The following DIS3L2 variants were observed in gnomAD, a reference collection of about 807,000 sequenced individuals.
DIS3L2 encodes DIS3-like exonuclease 2.
Under a neutral mutation model 97.5 loss-of-function variants are expected in DIS3L2, and 34 were observed. The ratio of observed to expected loss-of-function variants is 0.35; its 90% CI spans 0.27 to 0.46. DIS3L2 has a LOEUF of 0.46. Among genes scored for constraint, DIS3L2 ranks in the 20% least tolerant of loss-of-function variants. The pLI, the probability that DIS3L2 is intolerant of heterozygous loss-of-function variation, is 1.00. For missense variants in DIS3L2, 1,038 were observed against 1,146.0 expected (o/e 0.91, Z 1.36); for synonymous variants, 435 against 445.2 (o/e 0.98, Z 0.29).
intron 13 of DIS3L2, among the ~76,000 whole-genome samples, chr2:232,289,357 C>T (rs941897494): frequency 6.6e-6 from 1 of 151,828 alleles, no homozygotes; most frequent in Admixed American, 6.6e-5. Context: ...ACTGCAACCT[C>T]CGCCTCCTGG....
chr2:232,213,661 GTTTTT>G (rs67846645), intron 10 of DIS3L2, among the ~76,000 whole-genome samples: 16 of 80,742 alleles, frequency 2.0e-4, no homozygotes, highest in African/African-American at 2.9e-4. Flanking sequence ...ATCATCTGTA[GTTTTT>G]TTTTTTTTTT....
intron 1 of DIS3L2, among the ~76,000 whole-genome samples, chr2:232,005,600 CTAA>C (rs1415672161): frequency 6.6e-6 from 1 of 152,198 alleles, no homozygotes; most frequent in Admixed American, 6.5e-5. Flanking sequence ...ATTCCCCCTA[CTAA>C]TACCAGTTAC....
At chr2:232,011,318 C>G (rs1694193256) in intron 1 of DIS3L2, among the ~76,000 whole-genome samples, 1 of 151,770 alleles carries the variant, frequency 6.6e-6, no homozygotes. Flanking sequence ...ATAACTATGT[C>G]ACAGGGAATA....
At chr2:232,098,354 A>AT (rs1250850426) in intron 6 of DIS3L2, among the ~76,000 whole-genome samples, 9 of 115,086 alleles carry the variant, frequency 7.8e-5, no homozygotes, top group Non-Finnish European at 1.8e-4. Context: ...CGAGGTTTCT[A>AT]ATTTTTTTTT....
intron 1 of DIS3L2, among the ~76,000 whole-genome samples, chr2:231,981,845 G>T (rs1574783895): frequency 6.6e-6 from 1 of 150,722 alleles, no homozygotes; most frequent in Admixed American, 6.6e-5. Flanking sequence ...ACCAGCCTGG[G>T]CAACATGGAG....
intron 10 of DIS3L2, among the ~76,000 whole-genome samples, chr2:232,231,799 C>T (rs576221371): frequency 3.9e-5 from 6 of 152,214 alleles, no homozygotes; most frequent in Non-Finnish European, 8.8e-5. Flanking sequence ...TCAATCACTG[C>T]GGGCCCAGCC....
At chr2:232,068,487 C>T (rs979270858) in intron 5 of DIS3L2, among the ~76,000 whole-genome samples, 1 of 150,284 alleles carries the variant, frequency 6.7e-6, no homozygotes, top group South Asian at 2.1e-4. Context: ...GAAGCTGAGG[C>T]GGGAGGATCA....
chr2:231,967,978 A>C (rs1467078084), intron 1 of DIS3L2, among the ~76,000 whole-genome samples: 1 of 152,142 alleles, frequency 6.6e-6, no homozygotes, highest in Non-Finnish European at 1.5e-5. Context: ...CAGTTTGTTA[A>C]GTTTTGACAT....
At chr2:232,033,186 G>A (rs1344228236) in intron 5 of DIS3L2, among the ~76,000 whole-genome samples, 1 of 152,046 alleles carries the variant, frequency 6.6e-6, no homozygotes. Context: ...CCTTGAAGAG[G>A]TCCTTCAGAT....
chr2:232,147,957 C>T (rs1160812596), intron 8 of DIS3L2, among the ~76,000 whole-genome samples: 2 of 135,678 alleles, frequency 1.5e-5, no homozygotes, highest in Non-Finnish European at 3.2e-5. Flanking sequence ...CCTCCCCTCC[C>T]TTTCCTCCCC....
intron 1 of DIS3L2, among the ~76,000 whole-genome samples, chr2:231,985,991 T>G (rs1455623428): frequency 6.6e-6 from 1 of 152,248 alleles, no homozygotes; most frequent in African/African-American, 2.4e-5. Context: ...GTAAGCTGGC[T>G]TGCTGAGTCG....
intron 20 of DIS3L2, chr2:232,336,236 G>GCCCT: frequency 6.5e-7 from 1 of 1,541,550 alleles, no homozygotes; most frequent in Non-Finnish European, 8.8e-7. Flanking sequence ...GCGGACCCAG[G>GCCCT]CCCTCAGGTT....
At chr2:232,318,986 T>C (rs1410264559) in intron 14 of DIS3L2, among the ~76,000 whole-genome samples, 2 of 152,218 alleles carry the variant, frequency 1.3e-5, no homozygotes, top group African/African-American at 2.4e-5. Flanking sequence ...GTTCCTTGAG[T>C]GCAGTGGCCA....
At position 232,087,661 on chromosome 2, in the gene DIS3L2, A is replaced by G. The variant is rs1313733957; in HGVS notation, c.541A>G (p.Ile181Val). 3 of 1,614,200 alleles carry G rather than the reference A, an allele frequency of 1.9e-6. No individual in the cohort carries two copies. Among genetic ancestry groups the G allele is most frequent in the Admixed American group, 1.7e-5 (1 of 60,030 alleles). ...CAGCGACTCAGAAGATGGACATGGC[A>G]TCACACAAAATGTGCTGGTTGATGG... Reference protein sequence around the residue: ...DGSDSEDGHGITQNVLVDGVK... With the variant: ...DGSDSEDGHGVTQNVLVDGVK... Residue 181 changes from isoleucine (I) to valine (V), a missense_variant, in exon 6 of 21, where the codon ATC (isoleucine) becomes GTC (valine). Ile to Val is a conservative substitution (Grantham distance 29). This residue lies in a region of DIS3L2 where 813 missense variants were observed against 880.1 expected (regional missense o/e 0.92). Coordinates refer to ENST00000325385, the MANE Select transcript of DIS3L2 (RefSeq NM_152383.5).
At chr2:232,034,060 T>C (rs1694886562) in intron 5 of DIS3L2, among the ~76,000 whole-genome samples, 1 of 152,216 alleles carries the variant, frequency 6.6e-6, no homozygotes, top group South Asian at 2.1e-4. Flanking sequence ...CTCCTCTTTG[T>C]ACCTCTGGTA....
At position 232,336,828 on chromosome 2, in the gene DIS3L2, C is replaced by A; in HGVS notation, c.*198C>A. The A allele has an allele frequency of 7.1e-7, 1 of 1,412,092 alleles. No individual in the cohort carries two copies. Among genetic ancestry groups the A allele is most frequent in the Non-Finnish European group, 9.2e-7 (1 of 1,088,076 alleles). 87.5% of individuals were successfully genotyped at this position (1,412,092 alleles called of 1,614,324 possible). On this transcript the variant is annotated 3_prime_UTR_variant, in exon 21 of 21. Coordinates refer to ENST00000325385, the MANE Select transcript of DIS3L2 (RefSeq NM_152383.5). ...GTGGGGCTGGAAGGAAGGCTGAGGC[C>A]TGGTCAGCAGTGACCCCAGCAGAGC...
intron 19 of DIS3L2, 27 bp from the exon 20 acceptor site, chr2:232,335,746 G>A (rs1248039136): frequency 1.9e-6 from 3 of 1,548,928 alleles, no homozygotes; most frequent in African/African-American, 1.4e-5. Flanking sequence ...CAGAGCTGAG[G>A]CCTGAGGCTT....
At chr2:232,336,038 G>A in intron 20 of DIS3L2, 164 bp downstream of exon 20, 1 of 1,525,780 alleles carries the variant, frequency 6.6e-7, no homozygotes, top group Non-Finnish European at 8.8e-7. Context: ...CCCCTCCTGT[G>A]GGTCCTGCTT....
chr2:232,205,316 C>G (rs1031267521), intron 9 of DIS3L2, among the ~76,000 whole-genome samples: 1 of 150,930 alleles, frequency 6.6e-6, no homozygotes, highest in Non-Finnish European at 1.5e-5. Flanking sequence ...AGTGCAGTGT[C>G]GTGATCTCAG....
Sources: gnomAD v4.1 joint callset for allele counts (sites outside exome capture counted in the v4.1 genomes callset) on GRCh38, gnomAD v4.1.1 for gene constraint, gnomAD v4.1.1 regional missense constraint, MANE v1.5 for transcripts, NCBI Gene and HGNC (gene_info 2026-07-23, HGNC 2026-07-21) for gene names.